The following KIAA1549L variants were observed in gnomAD, a reference collection of about 807,000 sequenced individuals.
The protein encoded by KIAA1549L is UPF0606 protein KIAA1549L.
In KIAA1549L, 88 loss-of-function variants were observed where a neutral mutation model predicts 160.7. The observed-to-expected ratio is 0.55, with a 90% CI of 0.46 to 0.65. KIAA1549L has a LOEUF of 0.65. Among genes scored for constraint, KIAA1549L ranks in the 30% least tolerant of loss-of-function variants. The probability of loss-of-function intolerance (pLI) is 0.00; values close to 1 mark genes in which losing one functional copy is unlikely to be tolerated. For missense variants in KIAA1549L, 2,258 were observed against 2,437.5 expected (o/e 0.93, Z 1.55); for synonymous variants, 950 against 976.7 (o/e 0.97, Z 0.51).
Position 33,439,393 on chromosome 11 carries a change from C to G in KIAA1549L, c.238+62504C>G, listed in dbSNP as rs181864481. ...CTATCACCTTGAGTATTTATCAATT[C>G]TTTTTTTTTGTTTCTGTTTTTGTTT... On this transcript the variant is annotated intron_variant, in intron 1 of 20. Transcript: ENST00000658780. Among the ~76,000 whole-genome samples, 77 of 150,528 alleles carry G rather than the reference C, an allele frequency of 5.1e-4. No individual in the cohort carries two copies. The East Asian group carries it at 9.2e-3, about 18-fold the overall frequency.
In KIAA1549L at chr11:33,552,198, C is replaced by T; in HGVS notation, c.3812C>T (p.Ala1271Val). 1 of 1,608,740 alleles carries T rather than the reference C, an allele frequency of 6.2e-7. No individual in the cohort carries two copies. The highest frequency in any genetic ancestry group is 8.5e-7 in the Non-Finnish European group (1 of 1,177,492). ...EQRLQKAFQD[A>V]ERKVLNTKSN... ...AGGCTGCAGAAGGCATTCCAGGATG[C>T]CGAGAGGAAAGTCCTGAATACCAAA... The change falls in exon 6 of 21, where the codon GCC (alanine) becomes GTC (valine). Residue 1271 changes from alanine (A) to valine (V), a missense_variant. Physicochemically the swap from Ala to Val is moderately conservative, Grantham distance 64. Coordinates refer to ENST00000658780, the MANE Select transcript of KIAA1549L (RefSeq NM_012194.3).
intron 12 of KIAA1549L, among the ~76,000 whole-genome samples, chr11:33,597,070 A>C (rs549565723): frequency 6.6e-6 from 1 of 152,228 alleles, no homozygotes; most frequent in Non-Finnish European, 1.5e-5. Flanking sequence ...TAAGATGAGA[A>C]AGATTGTGAC....
At chr11:33,554,997 TG>T (rs1208704578) in intron 6 of KIAA1549L, among the ~76,000 whole-genome samples, 1 of 152,168 alleles carries the variant, frequency 6.6e-6, no homozygotes, top group Non-Finnish European at 1.5e-5. Context: ...CTGCTTCTAT[TG>T]GGGGACAGGG....
intron 14 of KIAA1549L, among the ~76,000 whole-genome samples, chr11:33,608,964 T>A (rs1306652687): frequency 6.6e-6 from 1 of 152,184 alleles, no homozygotes; most frequent in Non-Finnish European, 1.5e-5. Flanking sequence ...CTTTTAAAGA[T>A]TATTTTTAAG....
chr11:33,435,985 A>G (rs1851372344), intron 1 of KIAA1549L, among the ~76,000 whole-genome samples: 1 of 148,662 alleles, frequency 6.7e-6, no homozygotes, highest in African/African-American at 2.5e-5. Context: ...AAGTACAACA[A>G]AAAATGATAC....
intron 9 of KIAA1549L, 82 bp downstream of exon 9, chr11:33,568,309 G>A: frequency 1.4e-6 from 2 of 1,390,132 alleles, no homozygotes; most frequent in South Asian, 1.4e-5. Context: ...AAATAAGTCA[G>A]TGTGCTCAGA....
chr11:33,462,050 A>G, intron 1 of KIAA1549L, among the ~76,000 whole-genome samples: 1 of 152,328 alleles, frequency 6.6e-6, no homozygotes, highest in African/African-American at 2.4e-5. Context: ...AGTGTGAATC[A>G]TTTAGTGTCT....
chr11:33,392,846 G>A (rs1343919867), intron 1 of KIAA1549L, among the ~76,000 whole-genome samples: 3 of 152,178 alleles, frequency 2.0e-5, no homozygotes, highest in Admixed American at 2.0e-4. Flanking sequence ...GATTACAGGT[G>A]TGAGCCACTG....
At chr11:33,514,150 T>C (rs1055439014) in intron 1 of KIAA1549L, among the ~76,000 whole-genome samples, 2 of 152,210 alleles carry the variant, frequency 1.3e-5, no homozygotes, top group African/African-American at 4.8e-5. Context: ...GAATCTGGTC[T>C]ACCTAAAGAT....
At chr11:33,552,684 A>G (rs1854503786) in intron 6 of KIAA1549L, among the ~76,000 whole-genome samples, 1 of 148,668 alleles carries the variant, frequency 6.7e-6, no homozygotes, top group South Asian at 2.1e-4. Context: ...ACACACACAC[A>G]CACACACACA....
At chr11:33,530,629 A>G (rs929834476) in intron 1 of KIAA1549L, among the ~76,000 whole-genome samples, 2 of 151,626 alleles carry the variant, frequency 1.3e-5, no homozygotes, top group African/African-American at 2.4e-5. Context: ...CCTAAGTCCC[A>G]TTGGTTTACT....
chr11:33,452,661 T>C (rs1469062609), intron 1 of KIAA1549L, among the ~76,000 whole-genome samples: 1 of 152,122 alleles, frequency 6.6e-6, no homozygotes, highest in Non-Finnish European at 1.5e-5. Flanking sequence ...CTGCAATTAC[T>C]TTTGCACCAA....
chr11:33,549,761 T>C (rs1854392766), intron 4 of KIAA1549L, among the ~76,000 whole-genome samples: 1 of 152,072 alleles, frequency 6.6e-6, no homozygotes, highest in African/African-American at 2.4e-5. Context: ...CCCAACACTT[T>C]GGGAGGCCGA....
chr11:33,505,422 C>T (rs1853058772), intron 1 of KIAA1549L, among the ~76,000 whole-genome samples: 1 of 152,244 alleles, frequency 6.6e-6, no homozygotes, highest in Non-Finnish European at 1.5e-5. Flanking sequence ...GCTCAACATT[C>T]TGCTGCCAAG....
chr11:33,608,261 A>G (rs1473242219), intron 14 of KIAA1549L, among the ~76,000 whole-genome samples: 2 of 152,244 alleles, frequency 1.3e-5, no homozygotes, highest in Non-Finnish European at 2.9e-5. Context: ...TATGTAAATT[A>G]CTTAGACTAG....
At chr11:33,419,052 T>C (rs917542888) in intron 1 of KIAA1549L, among the ~76,000 whole-genome samples, 4 of 152,100 alleles carry the variant, frequency 2.6e-5, no homozygotes, top group African/African-American at 9.7e-5. Flanking sequence ...TTTGTATTTT[T>C]AGTAGAGACA....
rs551028731 is a variant in KIAA1549L at position 33,630,432 on chromosome 11, A to G, written c.5409+11770A>G. Among the ~76,000 whole-genome samples, 39 of 152,182 alleles carry G rather than the reference A, an allele frequency of 2.6e-4. 3 individuals carry two copies. The East Asian group carries it at 7.4e-3, about 29-fold the overall frequency. ...GACTGCTGTGCTAGCAATCAGCGAG[A>G]CTCCGTGGGCGTAGGCCCCTCCGAG... is the stretch of plus-strand genomic sequence containing the variant. On this transcript the variant is annotated intron_variant, in intron 16 of 20. Transcript: ENST00000658780.
chr11:33,517,013 A>G (rs1416090728), intron 1 of KIAA1549L, among the ~76,000 whole-genome samples: 1 of 152,214 alleles, frequency 6.6e-6, no homozygotes, highest in Non-Finnish European at 1.5e-5. Context: ...TCTTCAATTC[A>G]CGTTTCTCAT....
chr11:33,642,387 C>T (rs945416023), intron 16 of KIAA1549L, among the ~76,000 whole-genome samples: 29 of 152,304 alleles, frequency 1.9e-4, no homozygotes, highest in African/African-American at 6.7e-4. Context: ...TTTCAATTCT[C>T]AGCAAGGCAA....
Sources: allele counts gnomAD v4.1 joint callset (sites outside exome capture counted in the v4.1 genomes callset), GRCh38; gene constraint gnomAD v4.1.1; transcripts MANE v1.5; gene names NCBI Gene and HGNC (gene_info 2026-07-23, HGNC 2026-07-21).